The following PAPPA2 variants were observed in gnomAD, a reference collection of about 807,000 sequenced individuals.
The protein encoded by PAPPA2 is pappalysin 2.
PAPPA2 carries 86 observed loss-of-function variants against 176.4 expected under a neutral mutation model. The ratio of observed to expected loss-of-function variants is 0.49; its 90% CI spans 0.41 to 0.58. The LOEUF is 0.58. PAPPA2 is among the 20% of genes least tolerant of loss of function. The pLI is 0.00. For missense variants in PAPPA2, 2,073 were observed against 2,256.9 expected, an observed-to-expected ratio of 0.92 and a Z score of 1.65; for synonymous variants, 809 against 852.2, an observed-to-expected ratio of 0.95 and a Z score of 0.88.
chr1:176,663,371 A>G (rs1253100796), intron 3 of PAPPA2, among the ~76,000 whole-genome samples: 1 of 152,186 alleles, frequency 6.6e-6, no homozygotes, highest in Non-Finnish European at 1.5e-5. Flanking sequence ...AGCCATGATT[A>G]GCCCCCTGCC....
intron 1 of PAPPA2, among the ~76,000 whole-genome samples, chr1:176,504,770 CA>C (rs1648160312): frequency 6.6e-6 from 1 of 152,140 alleles, no homozygotes. Context: ...GTGTCACTTT[CA>C]AGGCAAAAGT....
chr1:176,652,389 A>T lies in PAPPA2; in HGVS notation c.1992-18581A>T, dbSNP rs533850660. 4.6e-5 allele frequency among the ~76,000 whole-genome samples: 7 copies of T among 151,664 alleles called. No individual in the cohort carries two copies. The South Asian group carries it at 1.5e-3, about 32-fold the overall frequency. ...TCCACTAGGTTGCTGCCTCCTTTTC[A>T]ACACTAAATGGCACCTTAAGTCCAG... is the stretch of plus-strand genomic sequence containing the variant. On this transcript the variant is annotated intron_variant, in intron 3 of 22. Transcript: ENST00000367662.
chr1:176,487,622 G>A (rs981761684), intron 1 of PAPPA2, among the ~76,000 whole-genome samples: 1 of 152,194 alleles, frequency 6.6e-6, no homozygotes, highest in Non-Finnish European at 1.5e-5. Context: ...GGCTGGATTG[G>A]TTCACCAAGA....
intron 4 of PAPPA2, among the ~76,000 whole-genome samples, chr1:176,683,561 G>A (rs1274100115): frequency 6.6e-6 from 1 of 152,152 alleles, no homozygotes; most frequent in East Asian, 1.9e-4. Context: ...TTTACTCTCA[G>A]TCAATTATGC....
chr1:176,538,442 G>A (rs2102562166), intron 1 of PAPPA2, among the ~76,000 whole-genome samples: 1 of 152,300 alleles, frequency 6.6e-6, no homozygotes, highest in African/African-American at 2.4e-5. Context: ...AGATGACAAT[G>A]CCAGGCTCTA....
chr1:176,653,139 C>T (rs1429069376), intron 3 of PAPPA2, among the ~76,000 whole-genome samples: 1 of 151,638 alleles, frequency 6.6e-6, no homozygotes, highest in African/African-American at 2.4e-5. Context: ...GAACACCATC[C>T]AACCAATCCT....
chr1:176,723,081 C>G (rs1187453584), intron 12 of PAPPA2, among the ~76,000 whole-genome samples: 1 of 152,164 alleles, frequency 6.6e-6, no homozygotes, highest in Non-Finnish European at 1.5e-5. Flanking sequence ...TGCATCAAAA[C>G]ATGGTACCAG....
At chr1:176,694,493 A>C (rs1660267912) in intron 6 of PAPPA2, among the ~76,000 whole-genome samples, 1 of 152,264 alleles carries the variant, frequency 6.6e-6, no homozygotes, top group Non-Finnish European at 1.5e-5. Context: ...GGTACTTCAG[A>C]AATGGGAGCA....
chr1:176,597,725 T>A (rs1397580106), intron 3 of PAPPA2, among the ~76,000 whole-genome samples: 1 of 152,108 alleles, frequency 6.6e-6, no homozygotes, highest in African/African-American at 2.4e-5. Flanking sequence ...TGGATTTGGT[T>A]TTTAGATTTT....
At chr1:176,516,088 A>G (rs1291795327) in intron 1 of PAPPA2, among the ~76,000 whole-genome samples, 1 of 152,074 alleles carries the variant, frequency 6.6e-6, no homozygotes, top group Non-Finnish European at 1.5e-5. Flanking sequence ...ACAGGACAAC[A>G]TGTTCTCAAG....
intron 2 of PAPPA2, 89 bp from the exon 3 acceptor site, chr1:176,594,435 T>C: frequency 8.9e-7 from 1 of 1,126,986 alleles, no homozygotes; most frequent in South Asian, 1.6e-5. Context: ...CCTGCATTCT[T>C]GTTATTTACA....
At chr1:176,512,931 T>A (rs1465852693) in intron 1 of PAPPA2, among the ~76,000 whole-genome samples, 1 of 152,174 alleles carries the variant, frequency 6.6e-6, no homozygotes, top group Admixed American at 6.5e-5. Flanking sequence ...TCACCAGGTA[T>A]TTTGCAGGAA....
intron 1 of PAPPA2, among the ~76,000 whole-genome samples, chr1:176,554,139 T>G (rs1304519404): frequency 6.6e-6 from 1 of 152,104 alleles, no homozygotes; most frequent in Non-Finnish European, 1.5e-5. Flanking sequence ...CAGGACATGC[T>G]GGGGATGAGG....
chr1:176,671,001 G>A lies in PAPPA2; in HGVS notation c.2023G>A (p.Ala675Thr), dbSNP rs374181167. 1.9e-5 allele frequency: 30 copies of A among 1,613,744 alleles called. No homozygotes were observed. The highest frequency in any genetic ancestry group is 3.3e-4 in the Middle Eastern group (2 of 6,070). ...CATGAGTGTGAAGGAGCTGAAGGAG[G>A]CCCTGCAGCTGAACAGTACTCACTT... is the stretch of plus-strand genomic sequence containing the variant. Reference protein sequence around the residue: ...AYMSVKELKEALQLNSTHFLN... With the variant: ...AYMSVKELKETLQLNSTHFLN... Residue 675 changes from alanine to threonine, a missense_variant, in exon 4 of 23, where the codon GCC (alanine) becomes ACC (threonine). Coordinates refer to ENST00000367662, the MANE Select transcript of PAPPA2 (RefSeq NM_020318.3).
At chr1:176,591,504 G>A (rs977044159) in intron 2 of PAPPA2, among the ~76,000 whole-genome samples, 32 of 152,244 alleles carry the variant, frequency 2.1e-4, no homozygotes, top group African/African-American at 5.3e-4. Flanking sequence ...AATAGTAAGC[G>A]TATTCCATTG....
At chr1:176,743,506 G>T (rs1364280947) in intron 14 of PAPPA2, among the ~76,000 whole-genome samples, 2 of 152,116 alleles carry the variant, frequency 1.3e-5, no homozygotes, top group Admixed American at 6.6e-5. Flanking sequence ...TCCAGCTCTG[G>T]CCACTTTAGG....
At chr1:176,644,890 T>G (rs1017001153) in intron 3 of PAPPA2, among the ~76,000 whole-genome samples, 2 of 151,832 alleles carry the variant, frequency 1.3e-5, no homozygotes, top group Non-Finnish European at 2.9e-5. Context: ...TGCAATTTTA[T>G]GGAACCAGGA....
At chr1:176,731,108 T>G (rs1662118687) in intron 12 of PAPPA2, among the ~76,000 whole-genome samples, 1 of 152,138 alleles carries the variant, frequency 6.6e-6, no homozygotes, top group African/African-American at 2.4e-5. Context: ...TCTATTTTTG[T>G]TTTTATACAT....
intron 4 of PAPPA2, among the ~76,000 whole-genome samples, chr1:176,679,477 T>C (rs1285434741): frequency 6.6e-6 from 1 of 152,198 alleles, no homozygotes; most frequent in African/African-American, 2.4e-5. Context: ...GTGGGTACCT[T>C]ATTAAACATA....
Sources: allele counts gnomAD v4.1 joint callset (sites outside exome capture counted in the v4.1 genomes callset), GRCh38; gene constraint gnomAD v4.1.1; transcripts MANE v1.5; gene names NCBI Gene and HGNC (gene_info 2026-07-23, HGNC 2026-07-21).